The following HPCAL1 variants were observed in gnomAD, a reference collection of about 807,000 sequenced individuals.
The protein encoded by HPCAL1 is hippocalcin-like protein 1.
In HPCAL1, 8 loss-of-function variants were observed where a neutral mutation model predicts 17.1. The observed-to-expected ratio is 0.47, with a 90% CI of 0.27 to 0.84. The LOEUF (loss-of-function observed/expected upper bound fraction) is 0.84, where lower values mean the gene tolerates loss of function less well. HPCAL1 is among the 40% of genes least tolerant of loss of function. The pLI is 0.13. For missense variants in HPCAL1, 165 were observed against 271.1 expected, an observed-to-expected ratio of 0.61 and a Z score of 2.75; for synonymous variants, 112 against 111.4, an observed-to-expected ratio of 1.01 and a Z score of -0.03.
Position 10,367,850 on chromosome 2 carries a change from C to T in HPCAL1, c.-110-28985C>T, listed in dbSNP as rs957491425. Among the ~76,000 whole-genome samples, 1 of 152,168 alleles carries T rather than the reference C, an allele frequency of 6.6e-6. No homozygotes were observed. Among genetic ancestry groups the T allele is most frequent in the African/African-American group, 2.4e-5 (1 of 41,442 alleles). On this transcript the variant is annotated intron_variant, in intron 1 of 4. Transcript: ENST00000307845. The surrounding 1 kb of genome is among the most constrained non-coding windows in gnomAD (Gnocchi z 4.4). The stretch of plus-strand genomic sequence containing the variant: ...ACAGTGTGGGGTGTTCAGGATTCCT[C>T]ATGTGACCCTTACCCTGCCTGCCCT...
At position 10,419,924 on chromosome 2, in the gene HPCAL1, TC is replaced by T. The variant is rs1376216190; in HGVS notation, c.171del (p.Tyr58ThrfsTer32). ...TTCAAGAAGATCTACGCCAACTTCT[TC>T]CCCTACGGCGACGCTTCCAAGTTCG... Reference protein sequence around the residue: ...DEFKKIYANFFPYGDASKFAE... With the variant: ...DEFKKIYANFXPYGDASKFAE... On this transcript the variant is annotated frameshift_variant, in exon 3 of 5. Transcript: ENST00000307845. LOFTEE classifies it high-confidence loss of function. This position sits in a 1 kb window ranked among gnomAD's most constrained non-coding sequence, Gnocchi z 5.0. 6.2e-7 allele frequency: 1 copy of T among 1,613,712 alleles called. No individual in the cohort carries two copies.
At chr2:10,387,256 G>T (rs1328373606) in intron 1 of HPCAL1, among the ~76,000 whole-genome samples, 1 of 152,260 alleles carries the variant, frequency 6.6e-6, no homozygotes, top group Non-Finnish European at 1.5e-5. Flanking sequence ...CAGCCTCACG[G>T]CCTCCTCAGG....
intron 1 of HPCAL1, among the ~76,000 whole-genome samples, chr2:10,329,865 A>AG: frequency 6.6e-6 from 1 of 152,270 alleles, no homozygotes; most frequent in South Asian, 2.1e-4. Flanking sequence ...TCGGCCTCAG[A>AG]TTTGCTGCTT....
chr2:10,386,138 C>T (rs1048307622), intron 1 of HPCAL1, among the ~76,000 whole-genome samples: 2 of 152,244 alleles, frequency 1.3e-5, no homozygotes, highest in South Asian at 2.1e-4. Flanking sequence ...AGGTTGCTCC[C>T]TCACCTCCTC....
intron 1 of HPCAL1, among the ~76,000 whole-genome samples, chr2:10,305,443 G>T (rs938766815): frequency 2.3e-4 from 35 of 152,238 alleles, no homozygotes; most frequent in Admixed American, 2.3e-3. Flanking sequence ...GCAAAGGGAA[G>T]GCCCGGGGGC....
chr2:10,401,490 T>A (rs1669609952), intron 2 of HPCAL1, among the ~76,000 whole-genome samples: 1 of 152,002 alleles, frequency 6.6e-6, no homozygotes, highest in African/African-American at 2.4e-5. Flanking sequence ...CTAGAATGTG[T>A]CTGATGGGGC....
intron 1 of HPCAL1, among the ~76,000 whole-genome samples, chr2:10,333,409 C>T (rs1013580780): frequency 6.6e-5 from 10 of 152,158 alleles, no homozygotes; most frequent in African/African-American, 2.4e-4. Context: ...AGGCCATTCC[C>T]TCCAGGGATG....
intron 2 of HPCAL1, among the ~76,000 whole-genome samples, chr2:10,405,239 C>G (rs1669897391): frequency 6.6e-6 from 1 of 152,254 alleles, no homozygotes; most frequent in Admixed American, 6.5e-5. Context: ...CTCCCAGCAG[C>G]ACCCCTCATA....
chr2:10,416,713 TTC>T, intron 2 of HPCAL1, among the ~76,000 whole-genome samples: 1 of 152,146 alleles, frequency 6.6e-6, no homozygotes, highest in South Asian at 2.1e-4. Flanking sequence ...TTTTTTTTTT[TTC>T]CATGTAGAAA....
At chr2:10,346,964 C>A (rs921346878) in intron 1 of HPCAL1, among the ~76,000 whole-genome samples, 2 of 138,978 alleles carry the variant, frequency 1.4e-5, no homozygotes, top group Admixed American at 1.4e-4. Context: ...CCCACCCACC[C>A]ACCCAGATTA....
At chr2:10,403,781 C>T (rs961054801) in intron 2 of HPCAL1, among the ~76,000 whole-genome samples, 8 of 151,896 alleles carry the variant, frequency 5.3e-5, no homozygotes, top group African/African-American at 1.9e-4. Context: ...CCGAGTCCGG[C>T]CAACAAAGAG....
At chr2:10,382,450 G>A (rs1164398757) in intron 1 of HPCAL1, among the ~76,000 whole-genome samples, 6 of 152,128 alleles carry the variant, frequency 3.9e-5, no homozygotes, top group Admixed American at 6.5e-5. Flanking sequence ...TGATAATGAC[G>A]TGTGAAGAGA....
rs546863572 is a variant in HPCAL1, at chr2:10,399,876, G to A, written c.-25+2956G>A. The stretch of plus-strand genomic sequence containing the variant: ...CCCTTGAGGTGGGTTCATGGAGCAC[G>A]TACCCTGTGTCAGACAAGCTTCCAG... On this transcript the variant is annotated intron_variant, in intron 2 of 4. Coordinates refer to ENST00000307845, the MANE Select transcript of HPCAL1 (RefSeq NM_002149.4). Among the ~76,000 whole-genome samples, 80 of 152,306 alleles carry A rather than the reference G, an allele frequency of 5.3e-4. No individual in the cohort carries two copies. In the South Asian group the frequency reaches 0.015, roughly 28 times the overall value.
chr2:10,347,679 T>A (rs1665557103), intron 1 of HPCAL1, among the ~76,000 whole-genome samples: 1 of 152,172 alleles, frequency 6.6e-6, no homozygotes, highest in South Asian at 2.1e-4. Flanking sequence ...AGCAGCAGCC[T>A]TTCCCATGGC....
At chr2:10,351,225 A>G (rs1042110041) in intron 1 of HPCAL1, among the ~76,000 whole-genome samples, 8 of 152,266 alleles carry the variant, frequency 5.3e-5, no homozygotes, top group Admixed American at 2.0e-4. Flanking sequence ...ACTGAGCAGT[A>G]AAAGGAATGA....
intron 1 of HPCAL1, among the ~76,000 whole-genome samples, chr2:10,376,187 A>G (rs1248988764): frequency 6.6e-6 from 1 of 152,244 alleles, no homozygotes; most frequent in Non-Finnish European, 1.5e-5. Flanking sequence ...TACAGGCTGC[A>G]GAACTGTGAG....
rs552204716 is a variant in HPCAL1 at position 10,384,401 on chromosome 2, G to C, written c.-110-12434G>C. 2.0e-5 allele frequency among the ~76,000 whole-genome samples: 3 copies of C among 152,304 alleles called. No individual in the cohort carries two copies. Among genetic ancestry groups the C allele is most frequent in the East Asian group, 3.9e-4 (2 of 5,172 alleles). ...GTTTTGGGCACCCACCCTGGGGAGA[G>C]AGGAGAGCCCAGGTTACCATCTGTG... On this transcript the variant is annotated intron_variant, in intron 1 of 4. Transcript: ENST00000307845. This position sits in a 1 kb window ranked among gnomAD's most constrained non-coding sequence, Gnocchi z 4.4.
rs577599224 is a variant in HPCAL1, at chr2:10,330,442, G to A, written c.-111+27265G>A. 2.2e-4 allele frequency among the ~76,000 whole-genome samples: 34 copies of A among 152,220 alleles called. No individual in the cohort carries two copies. In the South Asian group the frequency reaches 4.1e-3, roughly 19 times the overall value. The stretch of plus-strand genomic sequence containing the variant: ...TTAGTCAGCTCTGGCTGCTGGAAAC[G>A]GGGTCATAGTCTGGGTGCCTTAAAC... On this transcript the variant is annotated intron_variant, in intron 1 of 4. Coordinates refer to ENST00000307845, the MANE Select transcript of HPCAL1 (RefSeq NM_002149.4). The surrounding 1 kb of genome is among the most constrained non-coding windows in gnomAD (Gnocchi z 4.2).
chr2:10,320,607 C>G (rs901923425), intron 1 of HPCAL1, among the ~76,000 whole-genome samples: 1 of 152,158 alleles, frequency 6.6e-6, no homozygotes, highest in Non-Finnish European at 1.5e-5. Context: ...TATAGCAGTG[C>G]GAGAACTGAC....
Sources: allele counts gnomAD v4.1 joint callset (sites outside exome capture counted in the v4.1 genomes callset), GRCh38; gene constraint gnomAD v4.1.1; non-coding constraint Gnocchi (gnomAD v3.1); transcripts MANE v1.5; gene names NCBI Gene and HGNC (gene_info 2026-07-23, HGNC 2026-07-21).